The following CADPS2 variants were observed in gnomAD, a reference collection of about 807,000 sequenced individuals.
The protein encoded by CADPS2 is calcium-dependent secretion activator 2.
In CADPS2, 93 loss-of-function variants were observed where a neutral mutation model predicts 172.5. That is an observed-to-expected ratio of 0.54 (90% CI 0.46 to 0.64). The LOEUF (loss-of-function observed/expected upper bound fraction) is 0.64, where lower values mean the gene tolerates loss of function less well. CADPS2 is among the 30% of genes least tolerant of loss of function. The pLI, the probability that CADPS2 is intolerant of heterozygous loss-of-function variation, is 0.00. For missense variants in CADPS2, 1,420 were observed against 1,565.9 expected (o/e 0.91, Z 1.57); for synonymous variants, 546 against 555.2 (o/e 0.98, Z 0.23).
Position 122,731,385 on chromosome 7 carries a change from A to C in CADPS2, c.453+5570T>G, listed in dbSNP as rs1001958112. On this transcript the variant is annotated intron_variant, in intron 2 of 29. Transcript: ENST00000449022. ...CAAGAGAAAGACCATTTACTTTTCC[A>C]CATGTCCACTGTAAATCACATTGTC... 3.3e-5 allele frequency among the ~76,000 whole-genome samples: 5 copies of C among 151,786 alleles called. No individual in the cohort carries two copies. In the East Asian group the frequency reaches 7.7e-4, roughly 23 times the overall value.
At chr7:122,327,947 T>A (rs1171378258) in intron 28 of CADPS2, among the ~76,000 whole-genome samples, 2 of 151,890 alleles carry the variant, frequency 1.3e-5, no homozygotes, top group Non-Finnish European at 2.9e-5. Context: ...TAAGAAAAAA[T>A]TATTCTATCA....
intron 1 of CADPS2, among the ~76,000 whole-genome samples, chr7:122,756,236 T>C (rs1015264227): frequency 6.7e-6 from 1 of 149,294 alleles, no homozygotes; most frequent in Non-Finnish European, 1.5e-5. Flanking sequence ...ATATATATAT[T>C]GGTATGTACC....
intron 8 of CADPS2, among the ~76,000 whole-genome samples, chr7:122,515,495 C>A (rs1261051014): frequency 3.3e-5 from 5 of 152,080 alleles, no homozygotes; most frequent in Non-Finnish European, 4.4e-5. Flanking sequence ...TGACAGGTGC[C>A]TTTTATGAAA....
At chr7:122,828,611 A>G (rs1186889931) in intron 1 of CADPS2, among the ~76,000 whole-genome samples, 2 of 152,234 alleles carry the variant, frequency 1.3e-5, no homozygotes, top group South Asian at 4.1e-4. Flanking sequence ...TATTGTATGT[A>G]CTCATATTTA....
At chr7:122,646,376 A>ATGTC (rs2078557442) in intron 3 of CADPS2, among the ~76,000 whole-genome samples, 1 of 152,106 alleles carries the variant, frequency 6.6e-6, no homozygotes, top group Non-Finnish European at 1.5e-5. Flanking sequence ...ACAATATGAC[A>ATGTC]GGCTTTTGGG....
At position 122,581,161 on chromosome 7, in the gene CADPS2, A is replaced by T. The variant is rs781044215; in HGVS notation, c.1335+18T>A. 10 of 1,589,744 alleles carry T rather than the reference A, an allele frequency of 6.3e-6. No individual in the cohort carries two copies. The East Asian group carries it at 9.0e-5, about 14-fold the overall frequency. On this transcript the variant is annotated intron_variant, in intron 7 of 29. Transcript: ENST00000449022. ...TAAAACTGTTCTACCCTGGACACAC[A>T]GGCTGACCACAACTCACCCTTCCCA... is the stretch of plus-strand genomic sequence containing the variant.
intron 2 of CADPS2, among the ~76,000 whole-genome samples, chr7:122,679,236 T>G (rs1014590065): frequency 3.3e-5 from 4 of 120,344 alleles, no homozygotes; most frequent in Non-Finnish European, 6.6e-5. Context: ...ATATTAATAA[T>G]TAACAGCCCT....
intron 3 of CADPS2, among the ~76,000 whole-genome samples, chr7:122,648,042 G>C (rs932507162): frequency 1.3e-5 from 2 of 152,118 alleles, no homozygotes; most frequent in African/African-American, 4.8e-5. Flanking sequence ...AAAGTCAATA[G>C]TGTTTTCCAA....
At chr7:122,604,788 A>G (rs1388805051) in intron 6 of CADPS2, among the ~76,000 whole-genome samples, 1 of 152,130 alleles carries the variant, frequency 6.6e-6, no homozygotes, top group East Asian at 1.9e-4. Flanking sequence ...CATTTAACAT[A>G]AAACTGTGGT....
At chr7:122,788,408 T>G (rs892034540) in intron 1 of CADPS2, among the ~76,000 whole-genome samples, 1 of 152,234 alleles carries the variant, frequency 6.6e-6, no homozygotes, top group Non-Finnish European at 1.5e-5. Context: ...ACATCACTCT[T>G]AACTTTGTAG....
intron 7 of CADPS2, among the ~76,000 whole-genome samples, chr7:122,570,693 C>T (rs2067130126): frequency 6.6e-6 from 1 of 151,816 alleles, no homozygotes; most frequent in East Asian, 1.9e-4. Context: ...CCATAGAATA[C>T]TATGCAGCCA....
At chr7:122,674,198 G>A (rs1185745123) in intron 2 of CADPS2, among the ~76,000 whole-genome samples, 3 of 152,042 alleles carry the variant, frequency 2.0e-5, no homozygotes, top group African/African-American at 4.8e-5. Context: ...CCGGGTCCCC[G>A]CCCGCACCTC....
chr7:122,857,127 G>A (rs1815475951), intron 1 of CADPS2, among the ~76,000 whole-genome samples: 1 of 152,102 alleles, frequency 6.6e-6, no homozygotes, highest in Non-Finnish European at 1.5e-5. Context: ...AGGATACAAT[G>A]CTAAGGGAAA....
chr7:122,853,977 C>CT (rs770834330), intron 1 of CADPS2, among the ~76,000 whole-genome samples: 20 of 152,168 alleles, frequency 1.3e-4, no homozygotes, highest in Non-Finnish European at 1.8e-4. Flanking sequence ...CAGCCCTGTC[C>CT]TTCCTTCAAA....
At chr7:122,818,691 T>C (rs1056843068) in intron 1 of CADPS2, among the ~76,000 whole-genome samples, 1 of 152,168 alleles carries the variant, frequency 6.6e-6, no homozygotes, top group Non-Finnish European at 1.5e-5. Context: ...TCACACCTGG[T>C]CCAGCTTACA....
At chr7:122,650,834 A>G (rs1406085375) in intron 3 of CADPS2, among the ~76,000 whole-genome samples, 1 of 152,194 alleles carries the variant, frequency 6.6e-6, no homozygotes, top group Non-Finnish European at 1.5e-5. Flanking sequence ...TCATTTTAGT[A>G]AAATTAAATC....
intron 1 of CADPS2, among the ~76,000 whole-genome samples, chr7:122,759,778 C>G (rs373310582): frequency 2.0e-5 from 3 of 152,018 alleles, no homozygotes; most frequent in East Asian, 3.9e-4. Context: ...AACTTATCAT[C>G]GTAATTTGAT....
intron 24 of CADPS2, among the ~76,000 whole-genome samples, chr7:122,380,586 A>G (rs866818996): frequency 6.6e-6 from 1 of 152,092 alleles, no homozygotes; most frequent in South Asian, 2.1e-4. Context: ...GGGTTCTGAC[A>G]GTTACAAGTG....
At chr7:122,404,100 T>A (rs2151623009) in intron 20 of CADPS2, among the ~76,000 whole-genome samples, 1 of 152,222 alleles carries the variant, frequency 6.6e-6, no homozygotes, top group South Asian at 2.1e-4. Flanking sequence ...CATTAACTCG[T>A]CATTTAACAT....
Sources: gnomAD v4.1 joint callset for allele counts (sites outside exome capture counted in the v4.1 genomes callset) on GRCh38, gnomAD v4.1.1 for gene constraint, MANE v1.5 for transcripts, NCBI Gene and HGNC (gene_info 2026-07-23, HGNC 2026-07-21) for gene names.